SNRPN: variants seen among roughly 807,000 people sequenced by gnomAD.
SNRPN encodes small nuclear ribonucleoprotein polypeptide N, also known as small nuclear ribonucleoprotein-associated protein N.
In SNRPN, 7 loss-of-function variants were observed where a neutral mutation model predicts 25.2. The observed-to-expected ratio is 0.28, with a 90% CI of 0.16 to 0.52. The LOEUF (loss-of-function observed/expected upper bound fraction) is 0.52. Among genes scored for constraint, SNRPN ranks in the 20% least tolerant of loss-of-function variants. The probability of loss-of-function intolerance (pLI) is 0.96; values close to 1 mark genes in which losing one functional copy is unlikely to be tolerated. For missense variants in SNRPN, 196 were observed against 322.5 expected (o/e 0.61, Z 3.00); for synonymous variants, 124 against 110.6 (o/e 1.12, Z -0.76).
chr15:24,878,250 G>A (rs2056182031), intron 1 of SNRPN, among the ~76,000 whole-genome samples: 1 of 152,218 alleles, frequency 6.6e-6, no homozygotes, highest in African/African-American at 2.4e-5. Context: ...TAGGGCTCCT[G>A]AAGCCCCACG....
intron 3 of SNRPN, among the ~76,000 whole-genome samples, chr15:24,946,140 C>A (rs1461218134): frequency 6.6e-6 from 1 of 152,190 alleles, no homozygotes; most frequent in African/African-American, 2.4e-5. Flanking sequence ...GCTGGCAGTA[C>A]TGGAATCAGA....
At chr15:24,975,611 G>A in intron 5 of SNRPN, 102 bp downstream of exon 5, 1 of 939,796 alleles carries the variant, frequency 1.1e-6, no homozygotes, top group South Asian at 1.5e-5. Flanking sequence ...AGTAGTTAGG[G>A]AAACTATGGT....
At chr15:24,867,897 T>G (rs986101811) in intron 1 of SNRPN, among the ~76,000 whole-genome samples, 8 of 152,176 alleles carry the variant, frequency 5.3e-5, no homozygotes, top group Non-Finnish European at 1.2e-4. Context: ...ATGGTTTTAA[T>G]TGAGAATTTC....
chr15:24,930,781 C>T (rs2060791535), intron 3 of SNRPN, among the ~76,000 whole-genome samples: 1 of 151,842 alleles, frequency 6.6e-6, no homozygotes, highest in Non-Finnish European at 1.5e-5. Context: ...CATCTGTAAG[C>T]CCAGCTACTC....
intron 2 of SNRPN, among the ~76,000 whole-genome samples, chr15:24,897,853 G>A (rs975179045): frequency 1.3e-5 from 2 of 152,150 alleles, no homozygotes; most frequent in Admixed American, 1.3e-4. Flanking sequence ...GTGGAACTGT[G>A]AGTCCATGAA....
chr15:24,877,121 G>C (rs1386970905), intron 1 of SNRPN, among the ~76,000 whole-genome samples: 1 of 152,142 alleles, frequency 6.6e-6, no homozygotes, highest in Non-Finnish European at 1.5e-5. Flanking sequence ...GAAAAGTATG[G>C]GTGGGGAAAA....
chr15:24,894,312 A>G (rs553680674), intron 2 of SNRPN, among the ~76,000 whole-genome samples: 34 of 151,426 alleles, frequency 2.2e-4, no homozygotes, highest in East Asian at 1.2e-3. Flanking sequence ...TCTGCCTCCC[A>G]GGTTCACGCC....
intron 3 of SNRPN, among the ~76,000 whole-genome samples, chr15:24,940,359 TC>T (rs759312464): frequency 6.6e-6 from 1 of 152,200 alleles, no homozygotes; most frequent in Non-Finnish European, 1.5e-5. Context: ...AGGTCTCTGA[TC>T]CATTTCAAGT....
chr15:24,925,596 A>G (rs966263008), intron 3 of SNRPN, among the ~76,000 whole-genome samples: 1 of 151,776 alleles, frequency 6.6e-6, no homozygotes, highest in Non-Finnish European at 1.5e-5. Flanking sequence ...CTTTTTTATA[A>G]ATTTATTATT....
intron 2 of SNRPN, among the ~76,000 whole-genome samples, chr15:24,915,252 T>C (rs572665178): frequency 3.3e-4 from 50 of 151,990 alleles, no homozygotes; most frequent in African/African-American, 1.1e-3. Flanking sequence ...CTCAGCCTCC[T>C]GAGTAGCTGG....
At chr15:24,924,758 G>C (rs1210240348) in intron 3 of SNRPN, among the ~76,000 whole-genome samples, 1 of 151,904 alleles carries the variant, frequency 6.6e-6, no homozygotes, top group Non-Finnish European at 1.5e-5. Flanking sequence ...CAAACAGCTG[G>C]GATTACAGGC....
At chr15:24,873,860 G>A (rs1197768261) in intron 1 of SNRPN, among the ~76,000 whole-genome samples, 1 of 152,044 alleles carries the variant, frequency 6.6e-6, no homozygotes, top group Non-Finnish European at 1.5e-5. Flanking sequence ...AGATGCAGCT[G>A]ATCTAGACCA....
intron 2 of SNRPN, among the ~76,000 whole-genome samples, chr15:24,836,656 G>T (rs1489759821): frequency 2.6e-5 from 4 of 151,986 alleles, no homozygotes; most frequent in Non-Finnish European, 5.9e-5. Flanking sequence ...CAGGTGATCC[G>T]CCCTGCTCGG....
chr15:24,976,508 C>T, intron 6 of SNRPN, 92 bp downstream of exon 6: 2 of 879,450 alleles, frequency 2.3e-6, no homozygotes, highest in Non-Finnish European at 3.7e-6. Flanking sequence ...AGACACAGTT[C>T]AACATGGATT....
intron 3 of SNRPN, among the ~76,000 whole-genome samples, chr15:24,945,516 A>G (rs1596073230): frequency 6.6e-6 from 1 of 151,888 alleles, no homozygotes; most frequent in African/African-American, 2.4e-5. Flanking sequence ...GTGCCACTGC[A>G]CTCCAGCCTG....
intron 1 of SNRPN, among the ~76,000 whole-genome samples, chr15:24,876,149 C>G (rs2149208569): frequency 6.6e-6 from 1 of 152,112 alleles, no homozygotes; most frequent in Non-Finnish European, 1.5e-5. Flanking sequence ...AGGTTCAAAT[C>G]TTGCCTTTTA....
chr15:24,909,885 G>A (rs548222256), intron 2 of SNRPN: 5 of 689,258 alleles, frequency 7.3e-6, no homozygotes, highest in Middle Eastern at 4.2e-4. Context: ...CAGCGGCGCT[G>A]GGGCAGGGAG....
chr15:24,870,336 G>A (rs1276583052), intron 1 of SNRPN, among the ~76,000 whole-genome samples: 1 of 152,156 alleles, frequency 6.6e-6, no homozygotes, highest in Non-Finnish European at 1.5e-5. Flanking sequence ...ACAATGAAAC[G>A]TACCTGTGTA....
At chr15:24,974,701 A>C (rs1232589790) in intron 4 of SNRPN, 5 of 610,742 alleles carry the variant, frequency 8.2e-6, no homozygotes, top group Non-Finnish European at 1.5e-5. Flanking sequence ...GCTCACTGCA[A>C]CCCTGGGTTC....
Sources: gnomAD v4.1 joint callset for allele counts (sites outside exome capture counted in the v4.1 genomes callset) on GRCh38, gnomAD v4.1.1 for gene constraint, MANE v1.5 for transcripts, NCBI Gene and HGNC (gene_info 2026-07-23, HGNC 2026-07-21) for gene names.